ABHD5: variants seen among roughly 807,000 people sequenced by gnomAD.
ABHD5 encodes the protein 1-acylglycerol-3-phosphate O-acyltransferase ABHD5.
Under a neutral mutation model 44.9 loss-of-function variants are expected in ABHD5, and 30 were observed. That is an observed-to-expected ratio of 0.67 (90% confidence interval 0.50 to 0.91). The LOEUF (loss-of-function observed/expected upper bound fraction) is 0.91, where lower values mean the gene tolerates loss of function less well. ABHD5 is among the 40% of genes least tolerant of loss of function. The pLI, the probability that ABHD5 is intolerant of heterozygous loss-of-function variation, is 0.00. For synonymous variants in ABHD5, 167 were observed against 147.0 expected (o/e 1.14, Z -0.99); for missense variants, 399 against 423.4 (o/e 0.94, Z 0.50).
rs1190900535 is a variant in ABHD5, at chr3:43,721,564, A to G, written c.*3032A>G. On this transcript the variant is annotated 3_prime_UTR_variant, in exon 7 of 7. Coordinates refer to ENST00000644371, the MANE Select transcript of ABHD5 (RefSeq NM_016006.6). ...CAACCTAGTAGGACTGGCTCTACCA[A>G]AAAAAAAAAAAAAAAAAAATTAAGT... The G allele has an allele frequency of 8.4e-6, 1 of 119,116 alleles. No homozygotes were observed. Among genetic ancestry groups the G allele is most frequent in the East Asian group, 2.7e-4 (1 of 3,732 alleles). 7.4% of individuals were successfully genotyped at this position (119,116 alleles called of 1,614,324 possible).
chr3:43,712,413 C>T (rs926314200), intron 4 of ABHD5, among the ~76,000 whole-genome samples: 15 of 152,100 alleles, frequency 9.9e-5, no homozygotes, highest in African/African-American at 3.4e-4. Flanking sequence ...ATATATATTT[C>T]TGGTCATATT....
At chr3:43,699,785 G>A (rs2084516959) in intron 2 of ABHD5, 1 of 171,408 alleles carries the variant, frequency 5.8e-6, no homozygotes, top group Non-Finnish European at 1.3e-5. Context: ...TTGTTTACAT[G>A]TTTACAAATG....
In ABHD5 at chr3:43,715,050, G is replaced by A; in HGVS notation, c.765G>A (p.Gln255=). 6.2e-7 allele frequency: 1 copy of A among 1,607,334 alleles called. No homozygotes were observed. The highest frequency in any genetic ancestry group is 8.5e-7 in the Non-Finnish European group (1 of 1,175,418). ...AATACATCTACCACTGTAATGTGCA[G>A]ACTCCAAGGTGAGGGTTAGGATTCT... ...VTEYIYHCNV[Q]TPSGETAFKN... Residue 255 remains glutamine, a synonymous_variant, in exon 5 of 7, where the codon CAG becomes CAA. Transcript: ENST00000644371.
At chr3:43,705,606 C>T (rs960794062) in intron 3 of ABHD5, among the ~76,000 whole-genome samples, 1 of 152,148 alleles carries the variant, frequency 6.6e-6, no homozygotes. Flanking sequence ...TTTCCCTGTT[C>T]TAATAGACCA....
At chr3:43,708,395 T>A (rs1427784926) in intron 3 of ABHD5, among the ~76,000 whole-genome samples, 2 of 152,228 alleles carry the variant, frequency 1.3e-5, no homozygotes, top group Non-Finnish European at 2.9e-5. Context: ...TAAAACCCAG[T>A]AACTCCTATC....
chr3:43,692,845 A>G (rs533193337), intron 1 of ABHD5, among the ~76,000 whole-genome samples: 27 of 152,246 alleles, frequency 1.8e-4, no homozygotes, highest in Admixed American at 9.8e-4. Flanking sequence ...CTCATGTGGG[A>G]TGTTTGGCTC....
chr3:43,694,258 CAAAAAAA>C (rs80129256), intron 1 of ABHD5, among the ~76,000 whole-genome samples: 2 of 45,546 alleles, frequency 4.4e-5, no homozygotes, highest in South Asian at 7.6e-4. Flanking sequence ...GACTCCGTCT[CAAAAAAA>C]AAAAAAAAAA....
intron 4 of ABHD5, 117 bp downstream of exon 4, chr3:43,711,980 C>T (rs1346997232): frequency 1.5e-6 from 2 of 1,322,554 alleles, no homozygotes; most frequent in East Asian, 4.6e-5. Flanking sequence ...CTTACTTTTT[C>T]TCCTCTTCCT....
chr3:43,716,952 C>T (rs1448408304), intron 5 of ABHD5, among the ~76,000 whole-genome samples: 1 of 152,142 alleles, frequency 6.6e-6, no homozygotes, highest in Non-Finnish European at 1.5e-5. Context: ...GCGGGCAGAT[C>T]ACAAGGTCAG....
At chr3:43,690,931 G>A (rs1256171957), upstream of ABHD5, 16 of 1,523,324 alleles carry the variant, frequency 1.1e-5, no homozygotes, top group Non-Finnish European at 1.4e-5. Flanking sequence ...CCAGCCCGGG[G>A]CGGCCCAGTC....
At position 43,718,577 on chromosome 3, in the gene ABHD5, G is replaced by T; in HGVS notation, c.*45G>T. 6.4e-7 allele frequency: 1 copy of T among 1,554,094 alleles called. No homozygotes were observed. The highest frequency in any genetic ancestry group is 8.9e-7 in the Non-Finnish European group (1 of 1,125,490). On this transcript the variant is annotated 3_prime_UTR_variant, in exon 7 of 7. Transcript: ENST00000644371. ...GGAAAACCTGGTGACTGATATAGTT[G>T]TTCAGCAATAATTCATAGTCTGTGA...
At position 43,699,298 on chromosome 3, in the gene ABHD5, C is replaced by T. The variant is rs773350263; in HGVS notation, c.70C>T (p.Leu24Phe). Residue 24 changes from leucine to phenylalanine, a missense_variant, in exon 2 of 7, where the codon CTC (leucine) becomes TTC (phenylalanine). By Grantham distance (22) the Leu-to-Phe change is conservative. Coordinates refer to ENST00000644371, the MANE Select transcript of ABHD5 (RefSeq NM_016006.6). ...GERSGWLTGW[L>F]PTWCPTSISH... The stretch of plus-strand genomic sequence containing the variant: ...TAGGTCAGGATGGCTAACTGGTTGG[C>T]TCCCCACATGGTGCCCTACGTCTAT... 4.5e-5 allele frequency: 72 copies of T among 1,613,934 alleles called. No individual in the cohort carries two copies. In the Admixed American group the frequency reaches 1.2e-3, roughly 27 times the overall value.
In ABHD5 at chr3:43,700,740, A is replaced by ATTTTTTTT. The variant is rs1361660825; in HGVS notation, c.133+1384_133+1385insTTTTTTTT. Among the ~76,000 whole-genome samples, 8 of 151,214 alleles carry ATTTTTTTT rather than the reference A, an allele frequency of 5.3e-5. No homozygotes were observed. The South Asian group carries it at 6.4e-4, about 12-fold the overall frequency. On this transcript the variant is annotated intron_variant, in intron 2 of 6. Coordinates refer to ENST00000644371, the MANE Select transcript of ABHD5 (RefSeq NM_016006.6). ...AGGCACCTGCCACCATACCCAGCTA[A>ATTTTTTTT]TTTTTGTATTTTTAGTAGAGATGGG...
intron 1 of ABHD5, among the ~76,000 whole-genome samples, chr3:43,694,588 G>A (rs1329561661): frequency 6.6e-6 from 1 of 152,056 alleles, no homozygotes; most frequent in African/African-American, 2.4e-5. Context: ...TCATATAAGT[G>A]ACTCTAAAAT....
In ABHD5 at chr3:43,717,997, C is replaced by T. The variant is rs138796534; in HGVS notation, c.960+140C>T. On this transcript the variant is annotated intron_variant, in intron 6 of 6. Transcript: ENST00000644371. ...AGCCTCAGTCGGGGACGTGATACCA[C>T]CTGTGATGGGTGCAGGGTTTGGCCT... 187 of 1,056,986 alleles carry T rather than the reference C, an allele frequency of 1.8e-4. 2 individuals are homozygous for T. In the African/African-American group the frequency reaches 2.5e-3, roughly 14 times the overall value. The allele number at this position is 1,056,986 out of a possible 1,614,324, so 65.5% of individuals were successfully genotyped here.
intron 3 of ABHD5, among the ~76,000 whole-genome samples, chr3:43,711,323 G>A (rs2084686034): frequency 6.6e-6 from 1 of 152,202 alleles, no homozygotes; most frequent in Admixed American, 6.5e-5. Context: ...CATTTTTGCA[G>A]TGTCAACCTA....
Position 43,717,957 on chromosome 3 carries a change from C to G in ABHD5, c.960+100C>G, listed in dbSNP as rs760411575. The G allele has an allele frequency of 6.8e-5, 101 of 1,483,314 alleles. No individual in the cohort carries two copies. Among genetic ancestry groups the G allele is most frequent in the Non-Finnish European group, 8.7e-5 (93 of 1,067,424 alleles). The allele number at this position is 1,483,314 out of a possible 1,614,324, so 91.9% of individuals were successfully genotyped here. The stretch of plus-strand genomic sequence containing the variant: ...AGGTCATCCTCGTGTTGCAGGTCAT[C>G]TGAGCCATACCTGCAGCCTCAGTCG... On this transcript the variant is annotated intron_variant, in intron 6 of 6. Coordinates refer to ENST00000644371, the MANE Select transcript of ABHD5 (RefSeq NM_016006.6).
chr3:43,722,694 AC>A lies in ABHD5; in HGVS notation c.*4164del, dbSNP rs2084850923. The A allele has an allele frequency of 6.6e-6, 1 of 152,208 alleles. No individual in the cohort carries two copies. The highest frequency in any genetic ancestry group is 1.5e-5 in the Non-Finnish European group (1 of 68,038). The allele number at this position is 152,208 out of a possible 1,614,324, so 9.4% of individuals were successfully genotyped here. A position where few individuals can be genotyped will look rare whatever the true frequency, so the allele number is the denominator to read the frequency against. ...TTTGCTAATGGAATATATCCTACAG[AC>A]CAAACAACCACAAATAAATCTTAAA... On this transcript the variant is annotated 3_prime_UTR_variant, in exon 7 of 7. Coordinates refer to ENST00000644371, the MANE Select transcript of ABHD5 (RefSeq NM_016006.6).
At chr3:43,696,126 T>C (rs1054504494) in intron 1 of ABHD5, among the ~76,000 whole-genome samples, 3 of 152,250 alleles carry the variant, frequency 2.0e-5, no homozygotes, top group Admixed American at 6.5e-5. Context: ...TCATAGATGC[T>C]TACTATTAGA....
Sources: allele counts gnomAD v4.1 joint callset (sites outside exome capture counted in the v4.1 genomes callset), GRCh38; gene constraint gnomAD v4.1.1; transcripts MANE v1.5; gene names NCBI Gene and HGNC (gene_info 2026-07-23, HGNC 2026-07-21).